Variants in SHC3 observed in about 807,000 individuals in gnomAD.
SHC3 encodes the protein SHC adaptor protein 3, also known as SHC-transforming protein 3.
A neutral mutation model predicts 60.4 loss-of-function variants in SHC3; 15 were observed. That is an observed-to-expected ratio of 0.25 (90% confidence interval 0.17 to 0.38). SHC3 has a LOEUF of 0.38. Ranked by LOEUF, SHC3 falls within the 10% of genes least tolerant of loss-of-function variation. SHC3 has a pLI of 1.00. For synonymous variants in SHC3, 294 were observed against 325.9 expected (o/e 0.90, Z 1.05); for missense variants, 677 against 786.1 (o/e 0.86, Z 1.66).
At chr9:89,054,550 G>A (rs1241306801) in intron 6 of SHC3, among the ~76,000 whole-genome samples, 1 of 152,218 alleles carries the variant, frequency 6.6e-6, no homozygotes, top group African/African-American at 2.4e-5. Context: ...CCTGCCCTGT[G>A]TGATTTGATG....
intron 1 of SHC3, among the ~76,000 whole-genome samples, chr9:89,143,307 G>A (rs1587751016): frequency 6.6e-6 from 1 of 152,268 alleles, no homozygotes; most frequent in East Asian, 1.9e-4. Context: ...AGGACGACCA[G>A]CGGTCACTCT....
At chr9:89,040,200 AT>A in intron 10 of SHC3, among the ~76,000 whole-genome samples, 1 of 149,636 alleles carries the variant, frequency 6.7e-6, no homozygotes, top group Non-Finnish European at 1.5e-5. Flanking sequence ...CATCAGCAGC[AT>A]CATCACCATC....
chr9:89,020,845 C>T (rs541662253), intron 11 of SHC3, among the ~76,000 whole-genome samples: 15 of 152,306 alleles, frequency 9.8e-5, no homozygotes, highest in African/African-American at 3.6e-4. Context: ...GGTTGTGTGT[C>T]TGGGTGGAGC....
At chr9:89,156,504 C>A (rs992976137) in intron 1 of SHC3, among the ~76,000 whole-genome samples, 14 of 151,854 alleles carry the variant, frequency 9.2e-5, no homozygotes, top group African/African-American at 3.4e-4. Flanking sequence ...TCGGTGCATT[C>A]AAAAAACTTC....
At chr9:89,059,239 T>C (rs1291943175) in intron 6 of SHC3, among the ~76,000 whole-genome samples, 5 of 88,156 alleles carry the variant, frequency 5.7e-5, no homozygotes, top group Non-Finnish European at 1.1e-4. Flanking sequence ...GGATGTGATA[T>C]AGGATGTGGT....
chr9:89,097,453 T>C (rs560622254), intron 2 of SHC3, among the ~76,000 whole-genome samples: 1 of 152,332 alleles, frequency 6.6e-6, no homozygotes, highest in Admixed American at 6.5e-5. Context: ...GTGACTTCCA[T>C]CCTACTAAGC....
intron 2 of SHC3, among the ~76,000 whole-genome samples, chr9:89,101,988 A>G (rs1048105526): frequency 1.4e-4 from 21 of 152,290 alleles, no homozygotes; most frequent in African/African-American, 5.0e-4. Context: ...ACAATCATTT[A>G]ATTTATTTAA....
In SHC3 at chr9:89,071,183, C is replaced by T; in HGVS notation, c.783+16G>A. On this transcript the variant is annotated intron_variant, in intron 5 of 11. Coordinates refer to ENST00000375835, the MANE Select transcript of SHC3 (RefSeq NM_016848.6). ...ATTCCCAACAAGAGCAAGAGACCAA[C>T]CCCAAGGGTACTTACCGGGTCTCCC... is the stretch of plus-strand genomic sequence containing the variant. The T allele has an allele frequency of 6.2e-7, 1 of 1,601,030 alleles. No homozygotes were observed. Among genetic ancestry groups the T allele is most frequent in the East Asian group, 2.2e-5 (1 of 44,880 alleles).
At chr9:89,125,482 G>A (rs1453118898) in intron 1 of SHC3, among the ~76,000 whole-genome samples, 1 of 152,042 alleles carries the variant, frequency 6.6e-6, no homozygotes, top group Non-Finnish European at 1.5e-5. Context: ...CATATTGTCA[G>A]AGGCGTTTGA....
At chr9:89,119,444 G>A (rs1466341903) in intron 1 of SHC3, among the ~76,000 whole-genome samples, 2 of 151,580 alleles carry the variant, frequency 1.3e-5, no homozygotes, top group Non-Finnish European at 2.9e-5. Context: ...GAAGACAAAG[G>A]AAATACTAGA....
chr9:89,153,973 C>T (rs983376906), intron 1 of SHC3, among the ~76,000 whole-genome samples: 6 of 152,116 alleles, frequency 3.9e-5, no homozygotes, highest in African/African-American at 1.2e-4. Context: ...AAACAGAGTG[C>T]TGCCGTTACA....
rs1824699294 is a variant in SHC3, at chr9:89,042,152, T to C, written c.1234A>G (p.Lys412Glu). ...SSDIYSTPEG[K>E]LHVAPTGEAP... ...TCTCCCGTGGGGGCCACGTGCAGTT[T>C]CCCTTCTGGCGTGCTGTAGATGTCC... The change falls in exon 10 of 12, where the codon AAA becomes GAA. Residue 412 changes from lysine to glutamate, a missense_variant. Transcript: ENST00000375835. 6.5e-7 allele frequency: 1 copy of C among 1,549,824 alleles called. No homozygotes were observed. The highest frequency in any genetic ancestry group is 2.3e-5 in the East Asian group (1 of 43,108).
At chr9:89,171,232 T>C (rs1826864407) in intron 1 of SHC3, among the ~76,000 whole-genome samples, 1 of 68,792 alleles carries the variant, frequency 1.5e-5, no homozygotes, top group South Asian at 9.1e-4. Context: ...AACCATATTT[T>C]GATTTTTTTT....
rs1826012625 is a variant in SHC3 at position 89,011,446 on chromosome 9, GA to G, written c.*2000del. On this transcript the variant is annotated 3_prime_UTR_variant, in exon 12 of 12. Coordinates refer to ENST00000375835, the MANE Select transcript of SHC3 (RefSeq NM_016848.6). ...AGTGGGGAATGCATGAATGTAGAAA[GA>G]AGGTCATTTCGCACATTTTTCTATG... 1 of 152,228 alleles carries G rather than the reference GA, an allele frequency of 6.6e-6. No homozygotes were observed. Among genetic ancestry groups the G allele is most frequent in the Non-Finnish European group, 1.5e-5 (1 of 68,048 alleles). The allele number at this position is 152,228 out of a possible 1,614,324, so 9.4% of individuals were successfully genotyped here.
At chr9:89,158,452 T>C (rs1427937851) in intron 1 of SHC3, among the ~76,000 whole-genome samples, 1 of 152,200 alleles carries the variant, frequency 6.6e-6, no homozygotes, top group East Asian at 1.9e-4. Context: ...TATATCTTGG[T>C]GAATGTTTCA....
chr9:89,066,473 A>G (rs1354377312), intron 5 of SHC3, among the ~76,000 whole-genome samples: 1 of 152,226 alleles, frequency 6.6e-6, no homozygotes, highest in African/African-American at 2.4e-5. Flanking sequence ...GCCTTCTCAT[A>G]TAATCAGTGC....
intron 1 of SHC3, among the ~76,000 whole-genome samples, chr9:89,156,073 G>A (rs927448122): frequency 9.2e-5 from 14 of 152,166 alleles, no homozygotes; most frequent in African/African-American, 2.9e-4. Flanking sequence ...GCTGACCCAT[G>A]TGACCAATAA....
chr9:89,154,703 T>C (rs1826596595), intron 1 of SHC3, among the ~76,000 whole-genome samples: 1 of 152,160 alleles, frequency 6.6e-6, no homozygotes, highest in Admixed American at 6.5e-5. Flanking sequence ...TAGAACGCCT[T>C]TGTAAATGTG....
intron 4 of SHC3, among the ~76,000 whole-genome samples, chr9:89,074,691 C>CAAAAAAAAAAAAA (rs68051828): frequency 1.7e-5 from 1 of 59,926 alleles, no homozygotes; most frequent in Non-Finnish European, 2.9e-5. Flanking sequence ...GCCACTAAAG[C>CAAAAAAAAAAAAA]AAAAAAAAAA....
Sources: allele counts gnomAD v4.1 joint callset (sites outside exome capture counted in the v4.1 genomes callset), GRCh38; gene constraint gnomAD v4.1.1; transcripts MANE v1.5; gene names NCBI Gene and HGNC (gene_info 2026-07-23, HGNC 2026-07-21).